Variants in ZMYM2 observed in about 807,000 individuals in gnomAD.
ZMYM2 encodes zinc finger MYM-type containing 2.
A neutral mutation model predicts 162.8 loss-of-function variants in ZMYM2; 56 were observed. The observed-to-expected ratio is 0.34, with a 90% CI of 0.28 to 0.43. ZMYM2 has a LOEUF of 0.43. ZMYM2 is among the 20% of genes least tolerant of loss of function. The pLI is 1.00. For missense variants in ZMYM2, 1,275 were observed against 1,621.8 expected (o/e 0.79, Z 3.67); for synonymous variants, 510 against 541.6 (o/e 0.94, Z 0.81).
chr13:19,989,701 G>A (rs1046460484), intron 2 of ZMYM2, among the ~76,000 whole-genome samples: 1 of 152,142 alleles, frequency 6.6e-6, no homozygotes, highest in Non-Finnish European at 1.5e-5. Flanking sequence ...TGTACAATTA[G>A]ATTATTATTG....
the ZMYM2 span, among the ~76,000 whole-genome samples, chr13:19,906,749 T>TG: frequency 6.6e-6 from 1 of 151,998 alleles, no homozygotes; most frequent in Non-Finnish European, 1.5e-5. Context: ...TTTGTAGAGA[T>TG]GGGGTCTCAC....
the ZMYM2 span, among the ~76,000 whole-genome samples, chr13:19,929,074 C>T: frequency 6.6e-6 from 1 of 152,142 alleles, no homozygotes; most frequent in African/African-American, 2.4e-5. Flanking sequence ...TAGTCAGTCA[C>T]TTTGTGAAAT....
At chr13:19,967,198 G>A (rs1955866461) in intron 2 of ZMYM2, among the ~76,000 whole-genome samples, 1 of 151,966 alleles carries the variant, frequency 6.6e-6, no homozygotes, top group South Asian at 2.1e-4. Context: ...ATCTGTAATA[G>A]CATCCTATAT....
intron 2 of ZMYM2, among the ~76,000 whole-genome samples, chr13:19,975,279 C>T (rs1292803354): frequency 2.6e-5 from 4 of 151,552 alleles, no homozygotes; most frequent in Admixed American, 6.6e-5. Context: ...TTGTAAAAAT[C>T]AACATTATCC....
rs1054792385 is a variant in ZMYM2 at position 20,028,759 on chromosome 13, A to G, written c.1851+1441A>G. Among the ~76,000 whole-genome samples the G allele has an allele frequency of 4.6e-5, 7 of 152,194 alleles. No individual in the cohort carries two copies. The East Asian group carries it at 5.8e-4, about 13-fold the overall frequency. On this transcript the variant is annotated intron_variant, in intron 9 of 24. Transcript: ENST00000610343. The stretch of plus-strand genomic sequence containing the variant: ...GTTGTTATACTGTATTGTTTAGGCA[A>G]TAATGACAAGAAGAAAATGACTGTA...
chr13:19,898,561 C>G, the ZMYM2 span, among the ~76,000 whole-genome samples: 1 of 151,908 alleles, frequency 6.6e-6, no homozygotes, highest in South Asian at 2.1e-4. Context: ...ATCTGTGGGT[C>G]AAGGAAGAAA....
At chr13:19,927,345 T>C in the ZMYM2 span, among the ~76,000 whole-genome samples, 1 of 152,332 alleles carries the variant, frequency 6.6e-6, no homozygotes, top group Admixed American at 6.5e-5. Flanking sequence ...TCTTAACAAA[T>C]ATACTTTAAT....
chr13:20,037,600 C>G (rs150106544), intron 12 of ZMYM2, among the ~76,000 whole-genome samples: 503 of 152,238 alleles, frequency 3.3e-3, no homozygotes, highest in Middle Eastern at 0.01. Flanking sequence ...TTAAAAACAT[C>G]TTGCTCTTTT....
the ZMYM2 span, among the ~76,000 whole-genome samples, chr13:19,942,223 A>G: frequency 6.6e-6 from 1 of 152,076 alleles, no homozygotes; most frequent in Non-Finnish European, 1.5e-5. Flanking sequence ...CAAATTTTGA[A>G]TTTTAATTTA....
At chr13:19,872,065 G>A in the ZMYM2 span, among the ~76,000 whole-genome samples, 1 of 151,802 alleles carries the variant, frequency 6.6e-6, no homozygotes, top group Non-Finnish European at 1.5e-5. Context: ...GACCTCCTGG[G>A]TTCAGGTGAT....
At chr13:19,923,231 C>T in the ZMYM2 span, among the ~76,000 whole-genome samples, 1 of 149,494 alleles carries the variant, frequency 6.7e-6, no homozygotes, top group East Asian at 2.0e-4. Context: ...ATGGCGGGCG[C>T]CTGTAGTCCC....
chr13:19,869,415 A>G, the ZMYM2 span, among the ~76,000 whole-genome samples: 17 of 152,222 alleles, frequency 1.1e-4, no homozygotes, highest in African/African-American at 4.1e-4. Flanking sequence ...ATATTTTGTA[A>G]GAGAAGGGCA....
At chr13:20,010,629 G>A (rs989647406) in intron 6 of ZMYM2, among the ~76,000 whole-genome samples, 14 of 141,716 alleles carry the variant, frequency 9.9e-5, no homozygotes, top group African/African-American at 3.3e-4. Context: ...TTTGTTTTTT[G>A]TTTGTCTGTT....
chr13:20,053,993 T>A lies in ZMYM2; in HGVS notation c.2493+1682T>A, dbSNP rs141876905. ...ACTATTAGCACGATATTAAATATTT[T>A]TCTCCTCCTACAGCACTTGAACCAA... is the stretch of plus-strand genomic sequence containing the variant. On this transcript the variant is annotated intron_variant, in intron 14 of 24. Transcript: ENST00000610343. Among the ~76,000 whole-genome samples the A allele has an allele frequency of 4.4e-3, 674 of 152,332 alleles. 4 individuals are homozygous for A. The highest frequency in any genetic ancestry group is 0.016 in the African/African-American group (651 of 41,572).
Position 19,961,307 on chromosome 13 carries a change from G to A in ZMYM2, c.-11+1281G>A, listed in dbSNP as rs182835721. On this transcript the variant is annotated intron_variant, in intron 2 of 24. Transcript: ENST00000610343. The stretch of plus-strand genomic sequence containing the variant: ...TGTTGATAACCACAGTTATCAATTA[G>A]ATTTTTATACTGCCTTGTTTCAAAA... Among the ~76,000 whole-genome samples the A allele has an allele frequency of 8.4e-3, 1,279 of 152,216 alleles. 11 individuals are homozygous for A. The highest frequency in any genetic ancestry group is 0.012 in the Non-Finnish European group (829 of 68,008).
intron 2 of ZMYM2, among the ~76,000 whole-genome samples, chr13:19,972,936 TTTTTTTG>T (rs949315672): frequency 6.8e-6 from 1 of 146,750 alleles, no homozygotes; most frequent in African/African-American, 2.6e-5. Context: ...TGTATATATG[TTTTTTTG>T]TTTTTTTTTT....
At chr13:20,021,185 C>T (rs1336303076) in intron 7 of ZMYM2, among the ~76,000 whole-genome samples, 1 of 152,050 alleles carries the variant, frequency 6.6e-6, no homozygotes, top group East Asian at 1.9e-4. Context: ...CCGTGTTAGC[C>T]AGGATGGTCT....
the ZMYM2 span, among the ~76,000 whole-genome samples, chr13:19,892,566 C>T: frequency 1.3e-5 from 2 of 151,640 alleles, no homozygotes; most frequent in South Asian, 2.1e-4. Flanking sequence ...TGAGCCACCG[C>T]GCCTGTCCCA....
At chr13:19,918,495 C>CTTTTTTTTTTTTTTTTTTTTTTTTTT in the ZMYM2 span, among the ~76,000 whole-genome samples, 3 of 107,502 alleles carry the variant, frequency 2.8e-5, no homozygotes, top group African/African-American at 3.5e-5. Context: ...TTCTTTCTTT[C>CTTTTTTTTTTTTTTTTTTTTTTTTTT]TTTTTTTTTT....
Sources: allele counts gnomAD v4.1 joint callset (sites outside exome capture counted in the v4.1 genomes callset), GRCh38; gene constraint gnomAD v4.1.1; transcripts MANE v1.5; gene names NCBI Gene and HGNC (gene_info 2026-07-23, HGNC 2026-07-21).